The following CNTN5 variants were observed in gnomAD, a reference collection of about 807,000 sequenced individuals.
CNTN5 encodes contactin-5.
Under a neutral mutation model 129.1 loss-of-function variants are expected in CNTN5, and 77 were observed. The observed-to-expected ratio is 0.60, with a 90% confidence interval of 0.50 to 0.72. The LOEUF (loss-of-function observed/expected upper bound fraction) is 0.72. CNTN5 is among the 30% of genes least tolerant of loss of function. CNTN5 has a pLI of 0.00. For synonymous variants in CNTN5, 509 were observed against 465.6 expected (o/e 1.09, Z -1.20); for missense variants, 1,478 against 1,328.8 (o/e 1.11, Z -1.75).
rs1438572914 is a variant in CNTN5 at position 100,287,232 on chromosome 11, A to G, written c.2315-10393A>G. 3.7e-3 allele frequency among the ~76,000 whole-genome samples: 562 copies of G among 152,234 alleles called. 5 individuals carry two copies. The highest frequency in any genetic ancestry group is 0.013 in the African/African-American group (535 of 41,468). ...CCCCAATCTAGCAAGGCAGGCCAAC[A>G]TTCAAATTCAGGAAATACAGAGAAT... On this transcript the variant is annotated intron_variant, in intron 18 of 24. Transcript: ENST00000524871.
At chr11:100,236,355 G>A (rs1949614154) in intron 16 of CNTN5, among the ~76,000 whole-genome samples, 1 of 152,134 alleles carries the variant, frequency 6.6e-6, no homozygotes, top group African/African-American at 2.4e-5. Context: ...GCCCCAGTTT[G>A]GAACAGGACA....
chr11:99,144,563 T>C (rs1859683881), intron 1 of CNTN5, among the ~76,000 whole-genome samples: 1 of 152,214 alleles, frequency 6.6e-6, no homozygotes, highest in Admixed American at 6.5e-5. Context: ...CCCAGAATTT[T>C]CGTATTTGTT....
intron 3 of CNTN5, among the ~76,000 whole-genome samples, chr11:99,618,055 G>C (rs780124374): frequency 6.6e-6 from 1 of 152,086 alleles, no homozygotes; most frequent in Non-Finnish European, 1.5e-5. Context: ...GTATGTGGGG[G>C]TAAATATTTT....
intron 13 of CNTN5, among the ~76,000 whole-genome samples, chr11:100,091,515 G>T (rs1403840305): frequency 1.5e-5 from 2 of 137,894 alleles, no homozygotes; most frequent in Non-Finnish European, 3.0e-5. Context: ...TGCAAACTCC[G>T]CCTCCTGGGT....
chr11:99,618,747 T>C (rs1044509553), intron 3 of CNTN5, among the ~76,000 whole-genome samples: 1 of 152,178 alleles, frequency 6.6e-6, no homozygotes, highest in Non-Finnish European at 1.5e-5. Context: ...GCTAATACTT[T>C]CACTCTCAGA....
At chr11:99,774,063 A>C (rs1945036000) in intron 3 of CNTN5, among the ~76,000 whole-genome samples, 2 of 151,990 alleles carry the variant, frequency 1.3e-5, no homozygotes, top group Admixed American at 6.6e-5. Context: ...TGTGATCACC[A>C]ATTTTAATCT....
intron 2 of CNTN5, among the ~76,000 whole-genome samples, chr11:99,362,278 A>C (rs1344052634): frequency 6.6e-6 from 1 of 151,762 alleles, no homozygotes; most frequent in Non-Finnish European, 1.5e-5. Context: ...ATTTACATAT[A>C]CTCTCTGAAG....
intron 16 of CNTN5, among the ~76,000 whole-genome samples, chr11:100,233,892 G>T (rs1949547295): frequency 6.6e-6 from 1 of 152,020 alleles, no homozygotes; most frequent in Non-Finnish European, 1.5e-5. Flanking sequence ...TAAAATTTTT[G>T]CAATCTGTCC....
intron 1 of CNTN5, among the ~76,000 whole-genome samples, chr11:99,130,678 G>A (rs1858888880): frequency 7.3e-6 from 1 of 137,658 alleles, no homozygotes; most frequent in Non-Finnish European, 1.6e-5. Context: ...ACTCCACATA[G>A]CACTTACTGT....
At chr11:99,121,779 T>C (rs1421541576) in intron 1 of CNTN5, among the ~76,000 whole-genome samples, 1 of 152,172 alleles carries the variant, frequency 6.6e-6, no homozygotes, top group Non-Finnish European at 1.5e-5. Flanking sequence ...TCTTATTTCA[T>C]TTGAGACACC....
At chr11:99,097,479 A>T (rs1866526862) in intron 1 of CNTN5, among the ~76,000 whole-genome samples, 2 of 151,966 alleles carry the variant, frequency 1.3e-5, no homozygotes. Flanking sequence ...TTTTTCTGTG[A>T]TATTTACATA....
chr11:99,792,630 T>A (rs1945793109), intron 3 of CNTN5, among the ~76,000 whole-genome samples: 1 of 150,778 alleles, frequency 6.6e-6, no homozygotes, highest in African/African-American at 2.5e-5. Flanking sequence ...GATGCTGGCC[T>A]CATGGAATGA....
At chr11:100,166,803 G>T (rs1947652137) in intron 13 of CNTN5, among the ~76,000 whole-genome samples, 1 of 151,770 alleles carries the variant, frequency 6.6e-6, no homozygotes. Context: ...TGTTTGGTCA[G>T]ATATCTAAAT....
chr11:99,213,660 A>G (rs1443647348), intron 1 of CNTN5, among the ~76,000 whole-genome samples: 1 of 151,982 alleles, frequency 6.6e-6, no homozygotes, highest in African/African-American at 2.4e-5. Context: ...TTTAGGAAAG[A>G]GCAAAATTAA....
chr11:99,048,385 A>G (rs958044130), intron 1 of CNTN5, among the ~76,000 whole-genome samples: 1 of 152,160 alleles, frequency 6.6e-6, no homozygotes, highest in African/African-American at 2.4e-5. Context: ...AAAGCACATT[A>G]ATCAACCTTA....
intron 2 of CNTN5, among the ~76,000 whole-genome samples, chr11:99,328,255 G>T (rs1311457320): frequency 6.6e-6 from 1 of 152,094 alleles, no homozygotes; most frequent in Non-Finnish European, 1.5e-5. Context: ...AATGAAGGAA[G>T]GTGGACGGAG....
At chr11:100,221,723 G>C (rs959271750) in intron 15 of CNTN5, among the ~76,000 whole-genome samples, 17 of 152,036 alleles carry the variant, frequency 1.1e-4, no homozygotes, top group African/African-American at 4.1e-4. Context: ...AGGTTTCGGC[G>C]TGTTGTGTTA....
chr11:99,433,911 G>A (rs1258592505), intron 2 of CNTN5, among the ~76,000 whole-genome samples: 3 of 152,114 alleles, frequency 2.0e-5, no homozygotes, highest in Admixed American at 2.0e-4. Flanking sequence ...GGCAGGTGGT[G>A]CTTTACTGTG....
intron 2 of CNTN5, among the ~76,000 whole-genome samples, chr11:99,338,156 C>A (rs1187293001): frequency 2.0e-5 from 3 of 152,120 alleles, no homozygotes; most frequent in Non-Finnish European, 2.9e-5. Flanking sequence ...CACAAAGCAT[C>A]TTTAAATATG....
Sources: allele counts gnomAD v4.1 joint callset (sites outside exome capture counted in the v4.1 genomes callset), GRCh38; gene constraint gnomAD v4.1.1; transcripts MANE v1.5; gene names NCBI Gene and HGNC (gene_info 2026-07-23, HGNC 2026-07-21).